The following TMEM101 variants were observed in gnomAD, a reference collection of about 807,000 sequenced individuals.
The protein encoded by TMEM101 is putative NF-kappa-B-activating protein 130.
In TMEM101, 14 loss-of-function variants were observed where a neutral mutation model predicts 26.0. The ratio of observed to expected loss-of-function variants is 0.54; its 90% CI spans 0.36 to 0.84. The LOEUF (loss-of-function observed/expected upper bound fraction) is 0.84. Among genes scored for constraint, TMEM101 ranks in the 40% least tolerant of loss-of-function variants. TMEM101 has a pLI of 0.01. For missense variants in TMEM101, 292 were observed against 345.1 expected (o/e 0.85, Z 1.22); for synonymous variants, 152 against 145.1 (o/e 1.05, Z -0.34).
At chr17:44,013,436 G>C (rs2049187851) in intron 2 of TMEM101, among the ~76,000 whole-genome samples, 1 of 152,130 alleles carries the variant, frequency 6.6e-6, no homozygotes, top group Non-Finnish European at 1.5e-5. Flanking sequence ...GAGGCAGGTG[G>C]ATCACCCTGA....
chr17:44,017,911 TC>T (rs2049250215), upstream of TMEM101, among the ~76,000 whole-genome samples: 1 of 151,584 alleles, frequency 6.6e-6, no homozygotes, highest in African/African-American at 2.4e-5. Flanking sequence ...CACGGGTGGA[TC>T]ACTTGAGGCC....
intron 1 of TMEM101, 30 bp downstream of exon 1, chr17:44,014,786 C>G (rs2049208158): frequency 1.2e-5 from 18 of 1,535,050 alleles, no homozygotes; most frequent in Non-Finnish European, 1.5e-5. Flanking sequence ...CGCCCCCTGC[C>G]GCGTTTAGCG....
At chr17:44,018,317 C>T (rs1447210341), upstream of TMEM101, among the ~76,000 whole-genome samples, 1 of 152,046 alleles carries the variant, frequency 6.6e-6, no homozygotes, top group East Asian at 1.9e-4. Flanking sequence ...AAAGCAAGAC[C>T]CCCATCTCTA....
chr17:44,014,646 C>G, intron 1 of TMEM101, 109 bp from the exon 2 acceptor site: 2 of 1,511,874 alleles, frequency 1.3e-6, no homozygotes, highest in Non-Finnish European at 1.8e-6. Flanking sequence ...AACCAGACTC[C>G]CCTCCCATGG....
chr17:44,019,431 CCTAGCTCTTTTGTA>C, upstream of TMEM101: 1 of 259,488 alleles, frequency 3.9e-6, no homozygotes, highest in South Asian at 3.7e-5. Context: ...AATCTAGGAC[CCTAGCTCTTTTGTA>C]ATGAGTTGTT....
chr17:44,017,327 C>T (rs560694077), upstream of TMEM101, among the ~76,000 whole-genome samples: 8 of 151,608 alleles, frequency 5.3e-5, no homozygotes, highest in South Asian at 1.2e-3. Flanking sequence ...AGGCTGGGCA[C>T]GGTGGCTCAT....
Position 44,012,117 on chromosome 17 carries a change from C to G in TMEM101, c.585G>C (p.Leu195=). 6.2e-7 allele frequency: 1 copy of G among 1,614,258 alleles called. No homozygotes were observed. Residue 195 remains leucine, a synonymous_variant, in exon 4 of 4, where the codon CTG becomes CTC. Transcript: ENST00000206380. ...VLYGILALAF[L]SGYYVTLAAQ... ...CAGCGAGGGTCACGTAGTAGCCTGA[C>G]AGAAAGGCCAGGGCCAGGATGCCAT...
chr17:44,023,116 C>T (rs954228708), upstream of TMEM101: 19 of 296,620 alleles, frequency 6.4e-5, no homozygotes, highest in Non-Finnish European at 1.2e-4. Flanking sequence ...CGTGCACAGA[C>T]GAGGAGAGGT....
At chr17:44,019,079 G>A (rs927146641), upstream of TMEM101, among the ~76,000 whole-genome samples, 4 of 152,160 alleles carry the variant, frequency 2.6e-5, no homozygotes, top group Admixed American at 1.3e-4. Context: ...TGCGAGAGAC[G>A]AGTGAGGGGA....
At chr17:44,014,564 G>A (rs746021466) in intron 1 of TMEM101, 27 bp from the exon 2 acceptor site, 5 of 1,568,482 alleles carry the variant, frequency 3.2e-6, no homozygotes, top group South Asian at 1.1e-5. Context: ...GGGAAGCAAC[G>A]AGGACAGAAT....
chr17:44,012,290 G>A, intron 3 of TMEM101, 54 bp from the exon 4 acceptor site: 3 of 1,532,784 alleles, frequency 2.0e-6, no homozygotes, highest in Non-Finnish European at 8.8e-7. Context: ...GCCTGTCTGG[G>A]GTAAACCACC....
At chr17:44,012,291 G>A (rs2049170987) in intron 3 of TMEM101, 55 bp from the exon 4 acceptor site, 2 of 1,530,542 alleles carry the variant, frequency 1.3e-6, no homozygotes, top group Admixed American at 1.9e-5. Context: ...CCTGTCTGGG[G>A]TAAACCACCC....
intron 2 of TMEM101, among the ~76,000 whole-genome samples, chr17:44,014,094 C>G (rs902905292): frequency 2.0e-5 from 3 of 152,206 alleles, no homozygotes; most frequent in Non-Finnish European, 2.9e-5. Context: ...GTTCTGGTCC[C>G]ACCAGTATCC....
chr17:44,017,236 T>C (rs936466471), upstream of TMEM101, among the ~76,000 whole-genome samples: 1 of 148,698 alleles, frequency 6.7e-6, no homozygotes, highest in Non-Finnish European at 1.5e-5. Context: ...AAGTGGGGGG[T>C]TGGATCACCT....
intron 2 of TMEM101, among the ~76,000 whole-genome samples, chr17:44,019,971 T>A (rs1360776378): frequency 6.6e-6 from 1 of 152,216 alleles, no homozygotes; most frequent in Non-Finnish European, 1.5e-5. Context: ...CTTTGCAACA[T>A]GACAGTACAC....
chr17:44,021,459 A>G (rs2049284850), intron 1 of TMEM101: 1 of 152,254 alleles, frequency 6.6e-6, no homozygotes, highest in South Asian at 2.1e-4. Flanking sequence ...GCAGAGACGC[A>G]TGAGCACCAA....
chr17:44,020,041 TTC>T (rs2049272022), intron 2 of TMEM101, among the ~76,000 whole-genome samples: 1 of 152,346 alleles, frequency 6.6e-6, no homozygotes, highest in East Asian at 1.9e-4. Flanking sequence ...TAAGAGCTTT[TTC>T]TACATGTAAG....
intron 2 of TMEM101, 122 bp downstream of exon 2, chr17:44,014,235 C>T (rs2049196865): frequency 2.5e-6 from 3 of 1,216,678 alleles, no homozygotes; most frequent in Admixed American, 5.6e-5. Context: ...GGGGTTCGAA[C>T]CTCCCAGGCT....
chr17:44,015,054 C>G, upstream of TMEM101: 1 of 1,455,732 alleles, frequency 6.9e-7, no homozygotes, highest in Non-Finnish European at 9.2e-7. Context: ...TTTTTCCTCC[C>G]GGAAACAACG....
Sources: gnomAD v4.1 joint callset for allele counts (sites outside exome capture counted in the v4.1 genomes callset) on GRCh38, gnomAD v4.1.1 for gene constraint, MANE v1.5 for transcripts, NCBI Gene and HGNC (gene_info 2026-07-23, HGNC 2026-07-21) for gene names.